UTP18: variants seen among roughly 807,000 people sequenced by gnomAD.
UTP18 encodes U3 small nucleolar RNA-associated protein 18 homolog.
Under a neutral mutation model 61.1 loss-of-function variants are expected in UTP18, and 36 were observed. The observed-to-expected ratio is 0.59, with a 90% CI of 0.45 to 0.78. The LOEUF (loss-of-function observed/expected upper bound fraction) is 0.78, where lower values mean the gene tolerates loss of function less well. Ranked by LOEUF, UTP18 falls within the 30% of genes least tolerant of loss-of-function variation. UTP18 has a pLI of 0.00. For missense variants in UTP18, 753 were observed against 693.9 expected (o/e 1.09, Z -0.96); for synonymous variants, 282 against 251.1 (o/e 1.12, Z -1.16).
intron 9 of UTP18, among the ~76,000 whole-genome samples, chr17:51,281,421 T>G (rs1303738309): frequency 6.6e-6 from 1 of 152,108 alleles, no homozygotes; most frequent in African/African-American, 2.4e-5. Context: ...TACATGCCTT[T>G]TTTTCTCTAT....
intron 9 of UTP18, among the ~76,000 whole-genome samples, chr17:51,281,165 T>TATATA (rs1555555694): frequency 0.064 from 2,818 of 43,760 alleles, 86 homozygotes; most frequent in African/African-American, 0.16. Context: ...TATATATATA[T>TATATA]TTTTTTTAAA....
At chr17:51,294,515 A>C (rs1192968615) in intron 12 of UTP18, among the ~76,000 whole-genome samples, 1 of 151,906 alleles carries the variant, frequency 6.6e-6, no homozygotes, top group Non-Finnish European at 1.5e-5. Flanking sequence ...CATGTCCCTA[A>C]AAAGGACATG....
intron 11 of UTP18, among the ~76,000 whole-genome samples, chr17:51,289,317 C>G (rs1181213189): frequency 4.6e-5 from 7 of 151,274 alleles, no homozygotes; most frequent in Admixed American, 4.0e-4. Context: ...CTGCCTCAGT[C>G]TCCTGAGTAG....
At chr17:51,285,514 T>G in intron 10 of UTP18, 146 bp downstream of exon 10, 1 of 898,112 alleles carries the variant, frequency 1.1e-6, no homozygotes, top group Non-Finnish European at 1.6e-6. Context: ...TGAGCTTTTT[T>G]CATTTTATCA....
At chr17:51,278,378 C>T (rs1904800945) in intron 7 of UTP18, among the ~76,000 whole-genome samples, 1 of 152,196 alleles carries the variant, frequency 6.6e-6, no homozygotes, top group Non-Finnish European at 1.5e-5. Flanking sequence ...AAATAGAAAA[C>T]AATATTTAGT....
chr17:51,285,347 A>G lies in UTP18; in HGVS notation c.1307A>G (p.Asn436Ser). ...GGATTAAGCATTGCCACATCTAGGA[A>G]TGGACAGTATGTTGCTTGTGGGTAA... ...LYGLSIATSR[N>S]GQYVACGSNC... The change falls in exon 10 of 14, where the codon AAT becomes AGT. Residue 436 changes from asparagine to serine, a missense_variant. By Grantham distance (46) the Asn-to-Ser change is conservative. Coordinates refer to ENST00000225298, the MANE Select transcript of UTP18 (RefSeq NM_016001.3). 6.2e-7 allele frequency: 1 copy of G among 1,613,822 alleles called. No homozygotes were observed. The highest frequency in any genetic ancestry group is 8.5e-7 in the Non-Finnish European group (1 of 1,179,776).
intron 4 of UTP18, among the ~76,000 whole-genome samples, chr17:51,271,649 A>G (rs1049938648): frequency 4.6e-5 from 7 of 152,148 alleles, no homozygotes; most frequent in African/African-American, 1.2e-4. Context: ...AAAAACATCT[A>G]TTGGAGGCTT....
At position 51,273,372 on chromosome 17, in the gene UTP18, A is replaced by G. The variant is rs1229246786; in HGVS notation, c.633A>G (p.Glu211=). The G allele has an allele frequency of 1.9e-6, 3 of 1,607,324 alleles. No homozygotes were observed. Among genetic ancestry groups the G allele is most frequent in the South Asian group, 2.2e-5 (2 of 90,234 alleles). Reference sequence around the variant, plus strand: ...GTTTGTTTGACTTAGATGAAAGTGAAGAGGATGAAGATGATTTGTTGCAAA... The same window carrying G: ...GTTTGTTTGACTTAGATGAAAGTGAGGAGGATGAAGATGATTTGTTGCAAA... ...KRKTSSDDES[E]EDEDDLLQRT... Residue 211 remains glutamate, a synonymous_variant, in exon 5 of 14, where the codon GAA becomes GAG. Transcript: ENST00000225298.
At chr17:51,288,689 A>G (rs911021231) in intron 11 of UTP18, 1 of 446,596 alleles carries the variant, frequency 2.2e-6, no homozygotes, top group East Asian at 7.0e-5. Flanking sequence ...AATCCGCAGG[A>G]CCACCTCCAG....
At chr17:51,286,727 G>A (rs1267306983) in intron 10 of UTP18, among the ~76,000 whole-genome samples, 3 of 152,206 alleles carry the variant, frequency 2.0e-5, no homozygotes, top group Non-Finnish European at 4.4e-5. Context: ...ATTTACCAGG[G>A]TAGTGTGCGC....
intron 4 of UTP18, among the ~76,000 whole-genome samples, chr17:51,271,618 A>G (rs532098978): frequency 2.6e-5 from 4 of 152,122 alleles, no homozygotes; most frequent in African/African-American, 7.2e-5. Flanking sequence ...TTCTCTCTAC[A>G]GCTAATTTTG....
chr17:51,296,871 A>T, intron 12 of UTP18, 94 bp from the exon 13 acceptor site: 2 of 1,192,622 alleles, frequency 1.7e-6, no homozygotes, highest in Non-Finnish European at 2.4e-6. Context: ...TATTTTTCCC[A>T]CTAAAATCTT....
In UTP18 at chr17:51,296,048, T is replaced by C. The variant is rs192627241; in HGVS notation, c.1647-917T>C. ...TGTAGCTGTAAGCTGTAAATAAGGG[T>C]GTTAACCACAAAGATAACCAAAACT... On this transcript the variant is annotated intron_variant, in intron 12 of 13. Coordinates refer to ENST00000225298, the MANE Select transcript of UTP18 (RefSeq NM_016001.3). 2.6e-5 allele frequency among the ~76,000 whole-genome samples: 4 copies of C among 152,334 alleles called. No individual in the cohort carries two copies. The East Asian group carries it at 7.7e-4, about 29-fold the overall frequency.
intron 5 of UTP18, among the ~76,000 whole-genome samples, chr17:51,274,683 C>T (rs1423443100): frequency 1.3e-5 from 2 of 151,784 alleles, no homozygotes; most frequent in Non-Finnish European, 2.9e-5. Context: ...AACTCCTGAC[C>T]TCAGGTGATC....
chr17:51,275,124 C>T (rs1471673221), intron 5 of UTP18, among the ~76,000 whole-genome samples: 1 of 149,976 alleles, frequency 6.7e-6, no homozygotes, highest in Non-Finnish European at 1.5e-5. Flanking sequence ...TTGAACCCAA[C>T]AGGCAGAGGT....
intron 6 of UTP18, 100 bp downstream of exon 6, chr17:51,276,091 A>G: frequency 4.9e-6 from 6 of 1,230,408 alleles, no homozygotes; most frequent in African/African-American, 1.6e-5. Flanking sequence ...AAAGATATTC[A>G]TAGCTAAAAC....
At chr17:51,283,378 G>A (rs1905011788) in intron 9 of UTP18, among the ~76,000 whole-genome samples, 1 of 152,080 alleles carries the variant, frequency 6.6e-6, no homozygotes, top group African/African-American at 2.4e-5. Context: ...ATGTTGGCCA[G>A]GCTGGTCTTG....
At chr17:51,261,015 C>T (rs1274670503) in intron 1 of UTP18, 89 bp downstream of exon 1, 3 of 1,224,032 alleles carry the variant, frequency 2.5e-6, no homozygotes, top group South Asian at 2.7e-5. Context: ...CCTGGGCGAC[C>T]TGCGGCGGCG....
At chr17:51,263,063 A>G (rs761927306) in intron 1 of UTP18, among the ~76,000 whole-genome samples, 5 of 151,926 alleles carry the variant, frequency 3.3e-5, no homozygotes, top group Admixed American at 6.6e-5. Context: ...TGACTGTTCC[A>G]TCTTGCCTCA....
Sources: allele counts gnomAD v4.1 joint callset (sites outside exome capture counted in the v4.1 genomes callset), GRCh38; gene constraint gnomAD v4.1.1; transcripts MANE v1.5; gene names NCBI Gene and HGNC (gene_info 2026-07-23, HGNC 2026-07-21).